Variants in ERLIN1 observed in about 807,000 individuals in gnomAD.
The protein encoded by ERLIN1 is ER lipid raft associated 1.
ERLIN1 carries 24 observed loss-of-function variants against 46.9 expected under a neutral mutation model. The observed-to-expected ratio is 0.51, with a 90% confidence interval of 0.37 to 0.72. The LOEUF (loss-of-function observed/expected upper bound fraction) is 0.72. Among genes scored for constraint, ERLIN1 ranks in the 30% least tolerant of loss-of-function variants. The probability of loss-of-function intolerance (pLI) is 0.00; values close to 1 mark genes in which losing one functional copy is unlikely to be tolerated. For missense variants in ERLIN1, 293 were observed against 417.9 expected (o/e 0.70, Z 2.61); for synonymous variants, 158 against 143.2 (o/e 1.10, Z -0.74).
At chr10:100,159,510 G>A (rs562589870) in intron 8 of ERLIN1, among the ~76,000 whole-genome samples, 30 of 152,182 alleles carry the variant, frequency 2.0e-4, no homozygotes, top group Admixed American at 5.2e-4. Context: ...AAAAAGGACC[G>A]TGTACAGGTA....
intron 9 of ERLIN1, 119 bp downstream of exon 9, chr10:100,156,026 T>A: frequency 1.6e-6 from 1 of 638,248 alleles, no homozygotes; most frequent in South Asian, 2.0e-5. Flanking sequence ...AGCTATTTCC[T>A]CCAGACCAGA....
intron 6 of ERLIN1, among the ~76,000 whole-genome samples, chr10:100,170,283 A>G (rs1167440705): frequency 6.6e-6 from 1 of 152,250 alleles, no homozygotes; most frequent in African/African-American, 2.4e-5. Context: ...AAAAAATTTT[A>G]TAACAAGACA....
intron 2 of ERLIN1, among the ~76,000 whole-genome samples, chr10:100,179,868 T>C (rs1844537981): frequency 6.6e-6 from 1 of 152,198 alleles, no homozygotes; most frequent in East Asian, 1.9e-4. Flanking sequence ...CCAGGGGTTG[T>C]AAACAACACA....
intron 6 of ERLIN1, among the ~76,000 whole-genome samples, chr10:100,170,845 A>G (rs140229555): frequency 2.9e-4 from 44 of 152,368 alleles, no homozygotes; most frequent in African/African-American, 1.1e-3. Context: ...CTAATGAAAG[A>G]GTAGGAATGG....
At chr10:100,177,596 A>T (rs1398981483) in intron 4 of ERLIN1, among the ~76,000 whole-genome samples, 1 of 152,246 alleles carries the variant, frequency 6.6e-6, no homozygotes, top group African/African-American at 2.4e-5. Context: ...TTTATTAACA[A>T]GCATGCATAT....
rs939255885 is a variant in ERLIN1, at chr10:100,185,889, G to T, written c.-263C>A. The stretch of plus-strand genomic sequence containing the variant: ...TCCCTCTCCCAAGGGTCGCTCCCGG[G>T]TGGAAGGCACTAACTGAGAAGAAGC... On this transcript the variant is annotated 5_prime_UTR_variant, in exon 1 of 11. Coordinates refer to ENST00000421367, the MANE Select transcript of ERLIN1 (RefSeq NM_006459.4). The T allele has an allele frequency of 1.9e-5, 10 of 517,024 alleles. No individual in the cohort carries two copies. Among genetic ancestry groups the T allele is most frequent in the African/African-American group, 3.9e-5 (2 of 51,384 alleles). 32.0% of individuals were successfully genotyped at this position (517,024 alleles called of 1,614,324 possible). A position where few individuals can be genotyped will look rare whatever the true frequency, so the allele number is the denominator to read the frequency against.
intron 6 of ERLIN1, among the ~76,000 whole-genome samples, chr10:100,171,993 T>A (rs1844028481): frequency 6.6e-6 from 1 of 152,172 alleles, no homozygotes; most frequent in African/African-American, 2.4e-5. Context: ...TAAAAGGTGA[T>A]TCGGTAGTAT....
intron 3 of ERLIN1, 91 bp downstream of exon 3, chr10:100,179,110 C>A: frequency 2.1e-6 from 2 of 958,926 alleles, no homozygotes; most frequent in South Asian, 2.9e-5. Flanking sequence ...AACTATCATG[C>A]CTATTTGAGA....
intron 10 of ERLIN1, among the ~76,000 whole-genome samples, chr10:100,154,473 AG>A (rs750753184): frequency 5.9e-5 from 9 of 152,256 alleles, no homozygotes; most frequent in Admixed American, 1.3e-4. Flanking sequence ...ACAATGAAAA[AG>A]TATCTCAACC....
rs1844277962 is a variant in ERLIN1 at position 100,176,042 on chromosome 10, T to G, written c.333A>C (p.Ala111=). The G allele has an allele frequency of 6.2e-7, 1 of 1,613,106 alleles. No homozygotes were observed. Among genetic ancestry groups the G allele is most frequent in the Non-Finnish European group, 8.5e-7 (1 of 1,179,272 alleles). Reference sequence around the variant, plus strand: ...TGAAGATTAAGGTCTTGTCATAATCTGCAGTATAGTTCCTCACGATATCAA... The same window carrying G: ...TGAAGATTAAGGTCTTGTCATAATCGGCAGTATAGTTCCTCACGATATCAA... The part of the protein sequence containing the change: ...AVFDIVRNYT[A]DYDKTLIFNK... Residue 111 remains alanine (A), a synonymous_variant, in exon 5 of 11, where the codon GCA becomes GCC. Coordinates refer to ENST00000421367, the MANE Select transcript of ERLIN1 (RefSeq NM_006459.4).
At chr10:100,169,346 T>C (rs1447856479) in intron 6 of ERLIN1, among the ~76,000 whole-genome samples, 3 of 152,074 alleles carry the variant, frequency 2.0e-5, no homozygotes, top group Admixed American at 6.6e-5. Context: ...AACTGACCCC[T>C]GGGTTTTAAG....
intron 8 of ERLIN1, among the ~76,000 whole-genome samples, chr10:100,156,636 G>A (rs1286808799): frequency 1.3e-5 from 2 of 152,156 alleles, no homozygotes; most frequent in Non-Finnish European, 2.9e-5. Context: ...AGTGACATAA[G>A]TTAAACCAAG....
chr10:100,174,906 C>T (rs1002252594), intron 5 of ERLIN1, among the ~76,000 whole-genome samples: 8 of 152,188 alleles, frequency 5.3e-5, no homozygotes, highest in East Asian at 1.9e-4. Flanking sequence ...ATGGTACTTT[C>T]GCTATTTAAA....
intron 8 of ERLIN1, among the ~76,000 whole-genome samples, chr10:100,163,661 C>T (rs1026917670): frequency 2.0e-5 from 3 of 152,156 alleles, no homozygotes; most frequent in African/African-American, 7.2e-5. Flanking sequence ...ATGCATACTA[C>T]AATCTGAAAC....
intron 7 of ERLIN1, among the ~76,000 whole-genome samples, chr10:100,165,259 C>A (rs1295021837): frequency 6.6e-6 from 1 of 152,176 alleles, no homozygotes; most frequent in Non-Finnish European, 1.5e-5. Context: ...CCCCAAAACA[C>A]TTCCCCTCAA....
rs377363754 is a variant in ERLIN1 at position 100,175,941 on chromosome 10, T to A, written c.430+4A>T. On this transcript the variant is annotated splice_donor_region_variant and intron_variant, in intron 5 of 10. Transcript: ENST00000421367. Reference sequence around the variant, plus strand: ...TTTACATACATAAGAATTAAGACACTTACCAAACAATTCAATGTAAACTTC... The same window carrying A: ...TTTACATACATAAGAATTAAGACACATACCAAACAATTCAATGTAAACTTC... The A allele has an allele frequency of 1.6e-4, 260 of 1,612,660 alleles. No homozygotes were observed. Among genetic ancestry groups the A allele is most frequent in the Non-Finnish European group, 2.1e-4 (243 of 1,179,276 alleles).
At chr10:100,155,709 T>A (rs1467334406) in intron 9 of ERLIN1, among the ~76,000 whole-genome samples, 1 of 151,914 alleles carries the variant, frequency 6.6e-6, no homozygotes, top group Non-Finnish European at 1.5e-5. Flanking sequence ...AGAGACGGGG[T>A]TTCACCGTTT....
rs532891947 is a variant in ERLIN1 at position 100,171,599 on chromosome 10, A to C, written c.504+2609T>G. Among the ~76,000 whole-genome samples, 210 of 152,180 alleles carry C rather than the reference A, an allele frequency of 1.4e-3. 1 individual carries two copies. Among genetic ancestry groups the C allele is most frequent in the East Asian group, 7.7e-4 (4 of 5,170 alleles). ...TTTTTAAAAAAATTTTTTGTGGAGAAGGGGTCTCACTATGTTGTCCAAGCT... is the reference window on the plus strand; with the variant it reads ...TTTTTAAAAAAATTTTTTGTGGAGACGGGGTCTCACTATGTTGTCCAAGCT... On this transcript the variant is annotated intron_variant, in intron 6 of 10. Coordinates refer to ENST00000421367, the MANE Select transcript of ERLIN1 (RefSeq NM_006459.4).
Position 100,185,617 on chromosome 10 carries a change from T to A in ERLIN1, c.10A>T (p.Thr4Ser). ...GCAGCCACCAGAACCCGGGCTTGAG[T>A]CATATTCATTCTCGTTCCTCCTGGG... is the stretch of plus-strand genomic sequence containing the variant. MNM[T>S]QARVLVAAVV... is the part of the protein sequence containing the mutation. Residue 4 changes from threonine to serine, a missense_variant, in exon 1 of 11, where the codon ACT becomes TCT. Around this residue, in one of 3 missense-constraint regions of ERLIN1, gnomAD observed 76 missense variants for 77.0 expected, o/e 0.99. Coordinates refer to ENST00000421367, the MANE Select transcript of ERLIN1 (RefSeq NM_006459.4). The A allele has an allele frequency of 6.2e-7, 1 of 1,613,602 alleles. No homozygotes were observed. Among genetic ancestry groups the A allele is most frequent in the Non-Finnish European group, 8.5e-7 (1 of 1,179,658 alleles).
Sources: gnomAD v4.1 joint callset for allele counts (sites outside exome capture counted in the v4.1 genomes callset) on GRCh38, gnomAD v4.1.1 for gene constraint, gnomAD v4.1.1 regional missense constraint, MANE v1.5 for transcripts, NCBI Gene and HGNC (gene_info 2026-07-23, HGNC 2026-07-21) for gene names.